Variants in STON1 observed in about 807,000 individuals in gnomAD.
The protein encoded by STON1 is stonin-1.
STON1 carries 79 observed loss-of-function variants against 60.9 expected under a neutral mutation model. That is an observed-to-expected ratio of 1.30 (90% CI 1.08 to 1.56). The LOEUF (loss-of-function observed/expected upper bound fraction) is 1.56. Among genes scored for constraint, STON1 ranks in the 40% most tolerant of loss-of-function variants. STON1 has a pLI of 0.00. For missense variants in STON1, 1,166 were observed against 858.9 expected (o/e 1.36, Z -4.47); for synonymous variants, 363 against 306.9 (o/e 1.18, Z -1.91).
intron 1 of STON1, among the ~76,000 whole-genome samples, chr2:48,564,486 CTTCTTCTTCTTCTT>C (rs1558604890): frequency 4.1e-5 from 1 of 24,682 alleles, no homozygotes; most frequent in Non-Finnish European, 8.2e-5. Context: ...CTTCTTTCTT[CTTCTTCTTCTTCTT>C]CTTCTTCTTC....
chr2:48,535,678 T>G (rs1395470912), intron 1 of STON1, among the ~76,000 whole-genome samples: 1 of 152,174 alleles, frequency 6.6e-6, no homozygotes, highest in Non-Finnish European at 1.5e-5. Context: ...TTTATTATAA[T>G]CTGCCTTCTC....
At chr2:48,576,749 T>C (rs1353726592) in intron 1 of STON1, among the ~76,000 whole-genome samples, 2 of 152,164 alleles carry the variant, frequency 1.3e-5, no homozygotes, top group Non-Finnish European at 2.9e-5. Flanking sequence ...TGGATATTAA[T>C]TCCTTATAAG....
At chr2:48,559,232 C>G (rs558239455) in intron 1 of STON1, among the ~76,000 whole-genome samples, 1 of 152,154 alleles carries the variant, frequency 6.6e-6, no homozygotes, top group African/African-American at 2.4e-5. Flanking sequence ...TTTAACATAA[C>G]TGTCTTACTC....
In STON1 at chr2:48,582,490, G is replaced by A; in HGVS notation, c.1857G>A (p.Val619=). 1 of 1,614,120 alleles carries A rather than the reference G, an allele frequency of 6.2e-7. No homozygotes were observed. Among genetic ancestry groups the A allele is most frequent in the Non-Finnish European group, 8.5e-7 (1 of 1,179,978 alleles). ...LESEPVIQVT[V]GSAKYESAYQ... ...CTGAACCTGTCATTCAAGTCACTGT[G>A]GGGTCAGCAAAATATGAGAGTGCCT... Residue 619 remains valine, a synonymous_variant, in exon 2 of 4, where the codon GTG becomes GTA. Transcript: ENST00000404752.
chr2:48,594,853 G>T (rs1439089127), intron 3 of STON1, among the ~76,000 whole-genome samples: 1 of 152,088 alleles, frequency 6.6e-6, no homozygotes, highest in African/African-American at 2.4e-5. Flanking sequence ...ATCTTAAGGG[G>T]GCCAATGGCT....
intron 2 of STON1, among the ~76,000 whole-genome samples, chr2:48,585,540 T>G (rs947293141): frequency 6.6e-6 from 1 of 152,166 alleles, no homozygotes; most frequent in Non-Finnish European, 1.5e-5. Flanking sequence ...TGAGCCACCG[T>G]GCCTGGCCCC....
chr2:48,574,210 T>C (rs1673356012), intron 1 of STON1, among the ~76,000 whole-genome samples: 1 of 152,026 alleles, frequency 6.6e-6, no homozygotes, highest in Non-Finnish European at 1.5e-5. Context: ...ACCCTGTTTC[T>C]ACTAAAAGTA....
At chr2:48,532,375 TA>T (rs1558559197) in intron 1 of STON1, among the ~76,000 whole-genome samples, 1 of 144,146 alleles carries the variant, frequency 6.9e-6, no homozygotes, top group Non-Finnish European at 1.5e-5. Flanking sequence ...AATAAATAAA[TA>T]AATAAATAAA....
intron 1 of STON1, chr2:48,531,229 T>G (rs530095825): frequency 1.9e-3 from 283 of 152,172 alleles, no homozygotes; most frequent in African/African-American, 6.4e-3. Flanking sequence ...GCACACTGTT[T>G]GTTGGTATTC....
At chr2:48,539,348 C>A (rs140679959) in intron 1 of STON1, among the ~76,000 whole-genome samples, 3 of 151,830 alleles carry the variant, frequency 2.0e-5, no homozygotes, top group African/African-American at 4.8e-5. Flanking sequence ...TTATTTTTAC[C>A]TTTATCTACA....
At chr2:48,537,929 A>G (rs1200046608) in intron 1 of STON1, among the ~76,000 whole-genome samples, 1 of 151,374 alleles carries the variant, frequency 6.6e-6, no homozygotes, top group African/African-American at 2.4e-5. Context: ...TATTGGCCCT[A>G]TAAAGTAATC....
intron 1 of STON1, chr2:48,531,733 G>A (rs1331511229): frequency 6.6e-6 from 1 of 152,146 alleles, no homozygotes; most frequent in Non-Finnish European, 1.5e-5. Flanking sequence ...GAGCATGGTT[G>A]CTGGGGGATG....
chr2:48,574,699 A>G (rs928269136), intron 1 of STON1, among the ~76,000 whole-genome samples: 1 of 152,198 alleles, frequency 6.6e-6, no homozygotes, highest in Non-Finnish European at 1.5e-5. Flanking sequence ...TAAACCTCAC[A>G]TATTTTTGGA....
chr2:48,570,624 G>A (rs1673154405), intron 1 of STON1, among the ~76,000 whole-genome samples: 1 of 151,908 alleles, frequency 6.6e-6, no homozygotes, highest in South Asian at 2.1e-4. Flanking sequence ...TGTTATTCCT[G>A]GTGTGAATAG....
chr2:48,554,392 T>G (rs2103799802), intron 1 of STON1, among the ~76,000 whole-genome samples: 1 of 152,182 alleles, frequency 6.6e-6, no homozygotes, highest in East Asian at 1.9e-4. Context: ...CAGCTAATTT[T>G]TTGTATTTTT....
At chr2:48,582,735 G>A (rs992286464) in intron 2 of STON1, among the ~76,000 whole-genome samples, 172 bp downstream of exon 2, 1 of 152,082 alleles carries the variant, frequency 6.6e-6, no homozygotes, top group African/African-American at 2.4e-5. Flanking sequence ...GTTTCCTTTT[G>A]CACCTATTTC....
intron 2 of STON1, among the ~76,000 whole-genome samples, chr2:48,590,668 C>A (rs1253458225): frequency 6.6e-6 from 1 of 152,052 alleles, no homozygotes; most frequent in African/African-American, 2.4e-5. Flanking sequence ...CACTATATGA[C>A]CCCCATCTAA....
intron 1 of STON1, among the ~76,000 whole-genome samples, chr2:48,566,368 G>A (rs1672942928): frequency 6.6e-6 from 1 of 152,060 alleles, no homozygotes; most frequent in African/African-American, 2.4e-5. Context: ...TAGAGACGGG[G>A]TTTCACCATG....
intron 1 of STON1, among the ~76,000 whole-genome samples, chr2:48,561,920 G>A (rs573359599): frequency 1.3e-5 from 2 of 152,248 alleles, no homozygotes; most frequent in East Asian, 3.9e-4. Context: ...GAGTGCAGTG[G>A]TGCAATCTCA....
Sources: allele counts gnomAD v4.1 joint callset (sites outside exome capture counted in the v4.1 genomes callset), GRCh38; gene constraint gnomAD v4.1.1; transcripts MANE v1.5; gene names NCBI Gene and HGNC (gene_info 2026-07-23, HGNC 2026-07-21).